The following LDLRAD4 variants were observed in gnomAD, a reference collection of about 807,000 sequenced individuals.
LDLRAD4 encodes the protein low density lipoprotein receptor class A domain containing 4.
In LDLRAD4, 5 loss-of-function variants were observed where a neutral mutation model predicts 17.0. That is an observed-to-expected ratio of 0.29 (90% CI 0.15 to 0.62). LDLRAD4 has a LOEUF of 0.62. Ranked by LOEUF, LDLRAD4 falls within the 20% of genes least tolerant of loss-of-function variation. The probability of loss-of-function intolerance (pLI) is 0.84; values close to 1 mark genes in which losing one functional copy is unlikely to be tolerated. For synonymous variants in LDLRAD4, 168 were observed against 171.8 expected (o/e 0.98, Z 0.17); for missense variants, 340 against 424.7 (o/e 0.80, Z 1.75).
At chr18:13,546,014 C>T (rs1334869134) in intron 3 of LDLRAD4, among the ~76,000 whole-genome samples, 1 of 152,188 alleles carries the variant, frequency 6.6e-6, no homozygotes, top group Admixed American at 6.5e-5. Flanking sequence ...ATCACAGGCC[C>T]ATTACCTTCC....
At chr18:13,603,742 C>G (rs984506901) in intron 3 of LDLRAD4, among the ~76,000 whole-genome samples, 3 of 152,258 alleles carry the variant, frequency 2.0e-5, no homozygotes, top group African/African-American at 7.2e-5. Flanking sequence ...TGCCTTCACC[C>G]ACTCCACGCT....
intron 1 of LDLRAD4, among the ~76,000 whole-genome samples, chr18:13,381,947 C>T (rs1033616628): frequency 4.6e-5 from 7 of 152,286 alleles, no homozygotes; most frequent in South Asian, 4.2e-4. Flanking sequence ...TGGTTGGCAG[C>T]GTTCCTTTCT....
chr18:13,619,323 A>T (rs978254620), intron 3 of LDLRAD4, among the ~76,000 whole-genome samples: 2 of 152,096 alleles, frequency 1.3e-5, no homozygotes, highest in African/African-American at 4.8e-5. Flanking sequence ...TAGGTAAACA[A>T]GCGTGTCATA....
intron 3 of LDLRAD4, among the ~76,000 whole-genome samples, chr18:13,550,181 T>C (rs892259504): frequency 3.3e-5 from 5 of 152,124 alleles, no homozygotes; most frequent in African/African-American, 1.2e-4. Flanking sequence ...AGTTCTATCA[T>C]GGAAAAGGGT....
intron 3 of LDLRAD4, among the ~76,000 whole-genome samples, chr18:13,509,277 G>A (rs1258068386): frequency 2.0e-5 from 3 of 152,210 alleles, no homozygotes; most frequent in African/African-American, 7.2e-5. Flanking sequence ...TCATGCCACT[G>A]CACTCCAGCC....
At chr18:13,265,974 TA>T in intron 1 of LDLRAD4, among the ~76,000 whole-genome samples, 1 of 152,206 alleles carries the variant, frequency 6.6e-6, no homozygotes, top group East Asian at 1.9e-4. Flanking sequence ...GATCTAGGTT[TA>T]GAGCTCTGGT....
intron 1 of LDLRAD4, among the ~76,000 whole-genome samples, chr18:13,372,021 T>G (rs2084555700): frequency 6.6e-6 from 1 of 152,210 alleles, no homozygotes; most frequent in African/African-American, 2.4e-5. Flanking sequence ...TCTACTTACA[T>G]GGGACGGTGA....
intron 3 of LDLRAD4, among the ~76,000 whole-genome samples, chr18:13,610,305 TGAGACGGA>T (rs2039420620): frequency 4.1e-5 from 1 of 24,326 alleles, no homozygotes; most frequent in African/African-American, 1.4e-4. Flanking sequence ...TTTTTTTTTT[TGAGACGGA>T]GTCTCACTCT....
chr18:13,424,892 C>T (rs896537357), intron 2 of LDLRAD4, among the ~76,000 whole-genome samples: 1 of 152,112 alleles, frequency 6.6e-6, no homozygotes, highest in Non-Finnish European at 1.5e-5. Context: ...GCGAAGGGCA[C>T]GTATGCCTCG....
intron 1 of LDLRAD4, among the ~76,000 whole-genome samples, chr18:13,318,826 T>A (rs1044241882): frequency 1.3e-5 from 2 of 152,186 alleles, no homozygotes; most frequent in Non-Finnish European, 2.9e-5. Context: ...TGGGTGTGTG[T>A]GGGCAGTGCT....
At chr18:13,616,253 G>GGGGGC (rs1568410981) in intron 3 of LDLRAD4, 21 of 13,230 alleles carry the variant, frequency 1.6e-3, no homozygotes, top group East Asian at 0.026. Flanking sequence ...AGGACAGGTG[G>GGGGGC]GGGGGGGGGG....
chr18:13,364,930 T>A (rs1435346936), intron 1 of LDLRAD4, among the ~76,000 whole-genome samples: 1 of 152,174 alleles, frequency 6.6e-6, no homozygotes, highest in Non-Finnish European at 1.5e-5. Context: ...CACAGGATAG[T>A]GTCCTTGTCT....
rs1176735475 is a variant in LDLRAD4, at chr18:13,645,835, A to G, written c.*178A>G. 3 of 462,570 alleles carry G rather than the reference A, an allele frequency of 6.5e-6. No homozygotes were observed. Among genetic ancestry groups the G allele is most frequent in the Non-Finnish European group, 1.1e-5 (3 of 272,134 alleles). The allele number at this position is 462,570 out of a possible 1,614,324, so 28.7% of individuals were successfully genotyped here. A position where few individuals can be genotyped will look rare whatever the true frequency, so the allele number is the denominator to read the frequency against. On this transcript the variant is annotated 3_prime_UTR_variant, in exon 6 of 6. Transcript: ENST00000359446. The surrounding 1 kb of genome is among the most constrained non-coding windows in gnomAD (Gnocchi z 5.7). The stretch of plus-strand genomic sequence containing the variant: ...GGAATTGCATGCAAACTAGACTGAA[A>G]TGATACAAACTTCCATCTGGTCTGA...
chr18:13,588,550 T>G (rs910564105), intron 3 of LDLRAD4, among the ~76,000 whole-genome samples: 45 of 152,336 alleles, frequency 3.0e-4, no homozygotes, highest in African/African-American at 1.1e-3. Context: ...AAATTTCAGT[T>G]TCCTCCCTTG....
rs552028649 is a variant in LDLRAD4 at position 13,323,615 on chromosome 18, G to A, written c.-383+45427G>A. Among the ~76,000 whole-genome samples, 44 of 152,296 alleles carry A rather than the reference G, an allele frequency of 2.9e-4. No individual in the cohort carries two copies. The South Asian group carries it at 9.1e-3, about 32-fold the overall frequency. On this transcript the variant is annotated intron_variant, in intron 1 of 5. Transcript: ENST00000359446. ...TAACTGAGTTAAATAATACTTTAAT[G>A]TAATATTAAAAGTATGGAAATTATG...
intron 1 of LDLRAD4, among the ~76,000 whole-genome samples, chr18:13,253,642 A>G (rs2043346332): frequency 1.3e-5 from 2 of 152,174 alleles, no homozygotes; most frequent in Non-Finnish European, 2.9e-5. Flanking sequence ...GGGAGGAAGG[A>G]ATGCATTCAA....
At chr18:13,265,681 C>T (rs371833500) in intron 1 of LDLRAD4, among the ~76,000 whole-genome samples, 38 of 152,138 alleles carry the variant, frequency 2.5e-4, no homozygotes, top group African/African-American at 3.6e-4. Context: ...GGCACGTTTC[C>T]GAGGACTTGT....
chr18:13,443,115 CT>C (rs2091140544), intron 3 of LDLRAD4, among the ~76,000 whole-genome samples: 1 of 152,180 alleles, frequency 6.6e-6, no homozygotes, highest in African/African-American at 2.4e-5. Flanking sequence ...GACTTTAGGA[CT>C]TTTTCAGGAG....
At chr18:13,473,634 C>CTCAT (rs1264512321) in intron 3 of LDLRAD4, among the ~76,000 whole-genome samples, 2 of 37,838 alleles carry the variant, frequency 5.3e-5, no homozygotes, top group African/African-American at 1.7e-4. Flanking sequence ...AAGATCCCAT[C>CTCAT]TCATATATAT....
Sources: allele counts gnomAD v4.1 joint callset (sites outside exome capture counted in the v4.1 genomes callset), GRCh38; gene constraint gnomAD v4.1.1; non-coding constraint Gnocchi (gnomAD v3.1); transcripts MANE v1.5; gene names NCBI Gene and HGNC (gene_info 2026-07-23, HGNC 2026-07-21).